PPCDC: variants seen among roughly 807,000 people sequenced by gnomAD.
PPCDC encodes phosphopantothenoylcysteine decarboxylase.
In PPCDC, 20 loss-of-function variants were observed where a neutral mutation model predicts 20.7. The observed-to-expected ratio is 0.97, with a 90% confidence interval of 0.68 to 1.41. The LOEUF (loss-of-function observed/expected upper bound fraction) is 1.41, where lower values mean the gene tolerates loss of function less well. Ranked by LOEUF, PPCDC falls within the 40% of genes most tolerant of loss-of-function variation. PPCDC has a pLI of 0.00. For missense variants in PPCDC, 246 were observed against 263.8 expected, an observed-to-expected ratio of 0.93 and a Z score of 0.47; for synonymous variants, 88 against 100.3, an observed-to-expected ratio of 0.88 and a Z score of 0.73.
At chr15:75,032,563 T>G (rs534014110) in intron 2 of PPCDC, among the ~76,000 whole-genome samples, 1 of 152,248 alleles carries the variant, frequency 6.6e-6, no homozygotes, top group South Asian at 2.1e-4. Context: ...AAACAAAATA[T>G]CCAGCAGTAG....
intron 2 of PPCDC, among the ~76,000 whole-genome samples, chr15:75,033,317 A>G (rs904259675): frequency 2.0e-5 from 3 of 152,094 alleles, no homozygotes; most frequent in African/African-American, 7.2e-5. Flanking sequence ...CTTTATAGAG[A>G]AGGTTTGCCG....
chr15:75,040,651 T>A (rs1020539803), intron 2 of PPCDC, among the ~76,000 whole-genome samples: 1 of 152,004 alleles, frequency 6.6e-6, no homozygotes, highest in Non-Finnish European at 1.5e-5. Flanking sequence ...GCTTGCTTTT[T>A]ATTTTTTTAT....
chr15:75,044,275 T>G, intron 3 of PPCDC, 111 bp from the exon 4 acceptor site: 1 of 1,488,842 alleles, frequency 6.7e-7, no homozygotes, highest in South Asian at 1.2e-5. Context: ...GAGGTTGGCC[T>G]GGGCAGGGCA....
At chr15:75,047,855 C>T (rs935115839) in intron 4 of PPCDC, among the ~76,000 whole-genome samples, 6 of 152,180 alleles carry the variant, frequency 3.9e-5, no homozygotes, top group Non-Finnish European at 5.9e-5. Flanking sequence ...TTTCAAAGTC[C>T]GTGGCACAAA....
At chr15:75,027,006 C>T (rs1326342529) in intron 1 of PPCDC, among the ~76,000 whole-genome samples, 1 of 152,114 alleles carries the variant, frequency 6.6e-6, no homozygotes, top group Non-Finnish European at 1.5e-5. Context: ...TATAGTTATT[C>T]ATTCAGCACC....
At chr15:75,037,219 T>C (rs1284859699) in intron 2 of PPCDC, among the ~76,000 whole-genome samples, 1 of 152,130 alleles carries the variant, frequency 6.6e-6, no homozygotes. Flanking sequence ...TTAGCAGAGA[T>C]GTGGTCTCTG....
chr15:75,044,235 C>A, intron 3 of PPCDC, 151 bp from the exon 4 acceptor site: 1 of 1,092,912 alleles, frequency 9.1e-7, no homozygotes, highest in South Asian at 1.5e-5. Flanking sequence ...CCATGGCTAG[C>A]GCTCGCCAGC....
chr15:75,049,113 G>T (rs138736421), intron 5 of PPCDC, 37 bp from the exon 6 acceptor site: 83 of 1,569,678 alleles, frequency 5.3e-5, no homozygotes, highest in Non-Finnish European at 6.7e-5. Context: ...TACAGGCACT[G>T]TTGGCCTGTC....
intron 2 of PPCDC, among the ~76,000 whole-genome samples, chr15:75,041,081 T>G (rs1026380371): frequency 6.6e-6 from 1 of 152,244 alleles, no homozygotes; most frequent in African/African-American, 2.4e-5. Flanking sequence ...ATTCTTCTTA[T>G]GGTTACCATA....
chr15:75,025,663 C>T (rs1567043305), intron 1 of PPCDC, among the ~76,000 whole-genome samples: 2 of 152,178 alleles, frequency 1.3e-5, no homozygotes, highest in Non-Finnish European at 2.9e-5. Context: ...TGCCCACTTG[C>T]CAACTCTTTT....
At chr15:75,039,990 G>T (rs565370948) in intron 2 of PPCDC, among the ~76,000 whole-genome samples, 71 of 152,060 alleles carry the variant, frequency 4.7e-4, no homozygotes, top group Admixed American at 1.0e-3. Flanking sequence ...CTCCTTGTTG[G>T]TCAGGCTGAT....
intron 3 of PPCDC, chr15:75,043,840 G>A (rs1034064509): frequency 2.8e-5 from 10 of 359,274 alleles, no homozygotes; most frequent in Admixed American, 8.9e-5. Context: ...CCTTGTCCAC[G>A]TGGTTCCTGG....
intron 2 of PPCDC, among the ~76,000 whole-genome samples, chr15:75,031,746 T>C (rs558182219): frequency 1.3e-5 from 2 of 152,188 alleles, no homozygotes; most frequent in South Asian, 4.2e-4. Flanking sequence ...GAGAAAACCA[T>C]ATTTAGTTAC....
intron 4 of PPCDC, 103 bp downstream of exon 4, chr15:75,044,617 G>T: frequency 6.9e-7 from 1 of 1,457,216 alleles, no homozygotes. Context: ...TGGGGCCCCG[G>T]TCTGCCCAGG....
intron 4 of PPCDC, 147 bp downstream of exon 4, chr15:75,044,661 C>A: frequency 9.0e-7 from 1 of 1,110,414 alleles, no homozygotes. Context: ...ACATCGCCCC[C>A]AGTGCTCTCA....
At chr15:75,025,109 T>G (rs2065946058) in intron 1 of PPCDC, among the ~76,000 whole-genome samples, 1 of 152,128 alleles carries the variant, frequency 6.6e-6, no homozygotes, top group South Asian at 2.1e-4. Context: ...GTATGGGGTC[T>G]TGCTATGTTA....
At chr15:75,043,620 C>T in intron 3 of PPCDC, 84 bp downstream of exon 3, 1 of 1,210,024 alleles carries the variant, frequency 8.3e-7, no homozygotes, top group Non-Finnish European at 1.2e-6. Flanking sequence ...TATGGTCTGG[C>T]AGCTGGAACA....
chr15:75,050,617 G>C lies in PPCDC; in HGVS notation c.*1382G>C, dbSNP rs553337351. ...CCAGGAAGCCTACTGGCTGGAATCA[G>C]TGCTCCAGCAGCCTCCACAGCCTTT... On this transcript the variant is annotated 3_prime_UTR_variant, in exon 6 of 6. Transcript: ENST00000342932. The C allele has an allele frequency of 2.0e-5, 3 of 152,280 alleles. No homozygotes were observed. Among genetic ancestry groups the C allele is most frequent in the Non-Finnish European group, 4.4e-5 (3 of 68,084 alleles). The allele number at this position is 152,280 out of a possible 1,614,324, so 9.4% of individuals were successfully genotyped here.
Position 75,044,492 on chromosome 15 carries a change from G to C in PPCDC, c.338G>C (p.Ser113Thr). 4 of 1,614,154 alleles carry C rather than the reference G, an allele frequency of 2.5e-6. No homozygotes were observed. Among genetic ancestry groups the C allele is most frequent in the Non-Finnish European group, 3.4e-6 (4 of 1,179,986 alleles). The part of the protein sequence containing the change: ...LDANTLGKVA[S>T]GICDNLLTCV... ...GCCAACACTCTGGGGAAGGTGGCCA[G>C]TGGCATCTGTGACAACTTGCTTGTG... The change falls in exon 4 of 6, where the codon AGT (serine) becomes ACT (threonine). Residue 113 changes from serine to threonine, a missense_variant. This residue lies in a region of PPCDC where 225 missense variants were observed against 222.6 expected (regional missense o/e 1.01). Transcript: ENST00000342932.
Sources: allele counts gnomAD v4.1 joint callset (sites outside exome capture counted in the v4.1 genomes callset), GRCh38; gene constraint gnomAD v4.1.1; regional missense constraint gnomAD v4.1.1; transcripts MANE v1.5; gene names NCBI Gene and HGNC (gene_info 2026-07-23, HGNC 2026-07-21).